FNBP4: variants seen among roughly 807,000 people sequenced by gnomAD.
FNBP4 encodes the protein formin binding protein 4.
Under a neutral mutation model 119.3 loss-of-function variants are expected in FNBP4, and 34 were observed. The observed-to-expected ratio is 0.28, with a 90% CI of 0.22 to 0.38. The LOEUF (loss-of-function observed/expected upper bound fraction) is 0.38, where lower values mean the gene tolerates loss of function less well. Among genes scored for constraint, FNBP4 ranks in the 10% least tolerant of loss-of-function variants. FNBP4 has a pLI of 1.00. For missense variants in FNBP4, 1,112 were observed against 1,228.9 expected, an observed-to-expected ratio of 0.90 and a Z score of 1.42; for synonymous variants, 462 against 430.6, an observed-to-expected ratio of 1.07 and a Z score of -0.90.
intron 7 of FNBP4, among the ~76,000 whole-genome samples, chr11:47,745,103 T>C (rs1460493788): frequency 3.9e-5 from 6 of 152,344 alleles, no homozygotes; most frequent in Admixed American, 3.9e-4. Flanking sequence ...TCAGGACCAC[T>C]GTGATAATTG....
chr11:47,750,048 C>T (rs2097598828), intron 6 of FNBP4, among the ~76,000 whole-genome samples: 1 of 151,940 alleles, frequency 6.6e-6, no homozygotes, highest in African/African-American at 2.4e-5. Flanking sequence ...TTGCAATGAT[C>T]CAAGAGGCCT....
chr11:47,738,184 C>T (rs929079090), intron 8 of FNBP4, among the ~76,000 whole-genome samples: 11 of 152,204 alleles, frequency 7.2e-5, no homozygotes, highest in African/African-American at 1.7e-4. Flanking sequence ...CAACTTAAAA[C>T]GGAGCACACA....
Position 47,744,151 on chromosome 11 carries a change from C to T in FNBP4, c.1258G>A (p.Ala420Thr), listed in dbSNP as rs746802028. ...VLERKKAELR[A>T]LEEGDGSVSG... ...ACACTACCATCTCCTTCCTCCAAGG[C>T]TCGCAACTCTGCCTACAAAGAACAT... Residue 420 changes from alanine to threonine, a missense_variant, in exon 8 of 17, where the codon GCC (alanine) becomes ACC (threonine). By Grantham distance (58) the Ala-to-Thr change is moderately conservative. Coordinates refer to ENST00000263773, the MANE Select transcript of FNBP4 (RefSeq NM_015308.5). 3.7e-6 allele frequency: 6 copies of T among 1,614,064 alleles called. No individual in the cohort carries two copies. Among genetic ancestry groups the T allele is most frequent in the Non-Finnish European group, 5.1e-6 (6 of 1,179,950 alleles).
At chr11:47,728,873 TAA>T (rs2097564247) in intron 12 of FNBP4, among the ~76,000 whole-genome samples, 1 of 117,652 alleles carries the variant, frequency 8.5e-6, no homozygotes, top group African/African-American at 3.2e-5. Flanking sequence ...TTTTTTTAGA[TAA>T]AGAGTTTTGC....
intron 2 of FNBP4, among the ~76,000 whole-genome samples, chr11:47,759,024 T>C (rs1011163125): frequency 6.6e-6 from 1 of 151,234 alleles, no homozygotes; most frequent in Non-Finnish European, 1.5e-5. Flanking sequence ...GTTCAGGTGA[T>C]TCTCTTGCCT....
chr11:47,724,301 C>A (rs539771522), intron 13 of FNBP4, 129 bp from the exon 14 acceptor site: 1 of 1,511,220 alleles, frequency 6.6e-7, no homozygotes, highest in Admixed American at 1.9e-5. Flanking sequence ...TGACTCATTG[C>A]AGCCTCCTGG....
chr11:47,727,394 C>T (rs1342397676), intron 12 of FNBP4, among the ~76,000 whole-genome samples: 1 of 151,912 alleles, frequency 6.6e-6, no homozygotes, highest in African/African-American at 2.4e-5. Flanking sequence ...GGATTACAGG[C>T]CCACACCACC....
In FNBP4 at chr11:47,734,009, A is replaced by AG; in HGVS notation, c.1686+15_1686+16insC. On this transcript the variant is annotated intron_variant, in intron 10 of 16. Transcript: ENST00000263773. ...ACTTAACTGTTTATGCCAAAAAAAA[A>AG]AAAAAAAAGACTTACCTCAGTCTGT... 7.2e-7 allele frequency: 1 copy of AG among 1,382,804 alleles called. No individual in the cohort carries two copies. Among genetic ancestry groups the AG allele is most frequent in the Non-Finnish European group, 9.7e-7 (1 of 1,026,798 alleles). The allele number at this position is 1,382,804 out of a possible 1,614,324, so 85.7% of individuals were successfully genotyped here.
intron 14 of FNBP4, among the ~76,000 whole-genome samples, chr11:47,723,667 T>C (rs892969581): frequency 1.1e-4 from 17 of 152,134 alleles, no homozygotes; most frequent in Non-Finnish European, 2.4e-4. Context: ...AGGGCTCAAG[T>C]GATCCTCCCA....
chr11:47,721,463 T>C (rs1000304289), intron 15 of FNBP4, among the ~76,000 whole-genome samples: 6 of 151,710 alleles, frequency 4.0e-5, no homozygotes, highest in Non-Finnish European at 8.8e-5. Flanking sequence ...TAGCCTGGCA[T>C]GGTGGTGCAC....
intron 8 of FNBP4, among the ~76,000 whole-genome samples, chr11:47,738,409 C>CA (rs2097577116): frequency 6.6e-6 from 1 of 151,814 alleles, no homozygotes; most frequent in Admixed American, 6.6e-5. Context: ...ACTAAAAATA[C>CA]AAAAAATTAG....
intron 12 of FNBP4, 114 bp from the exon 13 acceptor site, chr11:47,724,892 G>A (rs2097559354): frequency 1.4e-6 from 2 of 1,399,432 alleles, no homozygotes; most frequent in Non-Finnish European, 1.9e-6. Context: ...CTAGCACAGT[G>A]TACAAAACAA....
chr11:47,747,416 C>A (rs2097592672), intron 6 of FNBP4, among the ~76,000 whole-genome samples: 1 of 151,624 alleles, frequency 6.6e-6, no homozygotes. Context: ...CCACGTTGGC[C>A]AGGCTGGTCT....
chr11:47,728,353 G>A (rs1473330621), intron 12 of FNBP4, among the ~76,000 whole-genome samples: 2 of 151,706 alleles, frequency 1.3e-5, no homozygotes, highest in African/African-American at 4.8e-5. Context: ...GGGTTCAAGC[G>A]ATTCTCCTGC....
At chr11:47,760,942 G>C (rs2097632952) in intron 2 of FNBP4, among the ~76,000 whole-genome samples, 2 of 152,144 alleles carry the variant, frequency 1.3e-5, no homozygotes, top group Admixed American at 6.6e-5. Flanking sequence ...TTTCATCTTT[G>C]AGACTATAAT....
chr11:47,765,039 A>T (rs2097643894), intron 2 of FNBP4, among the ~76,000 whole-genome samples: 1 of 152,334 alleles, frequency 6.6e-6, no homozygotes, highest in East Asian at 1.9e-4. Context: ...GCATCAGGAA[A>T]AAAAAACAGT....
At chr11:47,729,808 T>C (rs777586114) in intron 12 of FNBP4, 2 of 985,336 alleles carry the variant, frequency 2.0e-6, no homozygotes, top group African/African-American at 3.5e-5. Context: ...TTAGAACTGT[T>C]GATTATTGCT....
intron 14 of FNBP4, among the ~76,000 whole-genome samples, chr11:47,723,616 G>A (rs1378709176): frequency 6.6e-6 from 1 of 152,160 alleles, no homozygotes; most frequent in Non-Finnish European, 1.5e-5. Flanking sequence ...ACTGGATGAA[G>A]TATAGCAGTG....
intron 8 of FNBP4, among the ~76,000 whole-genome samples, chr11:47,740,734 A>C (rs1337705958): frequency 6.6e-6 from 1 of 151,504 alleles, no homozygotes; most frequent in Non-Finnish European, 1.5e-5. Flanking sequence ...CTGGGATTAC[A>C]GGCGAGCACC....
Sources: gnomAD v4.1 joint callset for allele counts (sites outside exome capture counted in the v4.1 genomes callset) on GRCh38, gnomAD v4.1.1 for gene constraint, MANE v1.5 for transcripts, NCBI Gene and HGNC (gene_info 2026-07-23, HGNC 2026-07-21) for gene names.